The following LMBR1 variants were observed in gnomAD, a reference collection of about 807,000 sequenced individuals.
The protein encoded by LMBR1 is limb development membrane protein 1.
Under a neutral mutation model 73.9 loss-of-function variants are expected in LMBR1, and 52 were observed. The ratio of observed to expected loss-of-function variants is 0.70; its 90% CI spans 0.56 to 0.89. The LOEUF is 0.89. LMBR1 is among the 40% of genes least tolerant of loss of function. The probability of loss-of-function intolerance (pLI) is 0.00; values close to 1 mark genes in which losing one functional copy is unlikely to be tolerated. For synonymous variants in LMBR1, 215 were observed against 209.4 expected (o/e 1.03, Z -0.23); for missense variants, 539 against 579.8 (o/e 0.93, Z 0.72).
chr7:156,751,021 G>A (rs775689214), intron 9 of LMBR1, among the ~76,000 whole-genome samples: 3 of 152,064 alleles, frequency 2.0e-5, no homozygotes, highest in Non-Finnish European at 2.9e-5. Context: ...AAAGGGGAAC[G>A]ATCACCTGAG....
intron 15 of LMBR1, among the ~76,000 whole-genome samples, chr7:156,703,989 G>A (rs1810357552): frequency 2.0e-5 from 3 of 152,116 alleles, no homozygotes; most frequent in East Asian, 1.9e-4. Context: ...TAACACAAGG[G>A]CAAAGTGCTT....
At chr7:156,854,501 A>ATTCTT (rs1796678397) in intron 1 of LMBR1, among the ~76,000 whole-genome samples, 12 of 152,238 alleles carry the variant, frequency 7.9e-5, no homozygotes, top group Non-Finnish European at 1.5e-4. Context: ...AAACGTAAAC[A>ATTCTT]TTCTGAAATA....
chr7:156,684,664 GCA>G (rs1432232468), intron 16 of LMBR1, among the ~76,000 whole-genome samples: 1 of 152,164 alleles, frequency 6.6e-6, no homozygotes, highest in East Asian at 1.9e-4. Context: ...ATTTTAAAAT[GCA>G]CACACACAGG....
At chr7:156,756,242 C>T (rs1005142657) in intron 9 of LMBR1, 151 bp downstream of exon 9, 5 of 538,214 alleles carry the variant, frequency 9.3e-6, no homozygotes, top group Non-Finnish European at 1.6e-5. Flanking sequence ...ACCCTCTCTT[C>T]ACCAGGGAAG....
intron 15 of LMBR1, among the ~76,000 whole-genome samples, chr7:156,693,874 C>A (rs2131960973): frequency 6.6e-6 from 1 of 152,302 alleles, no homozygotes; most frequent in Admixed American, 6.5e-5. Flanking sequence ...CCAGTAAACA[C>A]AGATGCAAAA....
At chr7:156,886,254 C>G (rs1038844021) in intron 1 of LMBR1, among the ~76,000 whole-genome samples, 1 of 152,186 alleles carries the variant, frequency 6.6e-6, no homozygotes, top group South Asian at 2.1e-4. Context: ...AGCACAGAAA[C>G]AGACCTTCAA....
At chr7:156,848,654 G>A (rs1216848610) in intron 1 of LMBR1, among the ~76,000 whole-genome samples, 2 of 152,140 alleles carry the variant, frequency 1.3e-5, no homozygotes, top group African/African-American at 2.4e-5. Context: ...AATACTGGCT[G>A]GGCATGGTGA....
At chr7:156,847,224 C>A (rs1173432036) in intron 1 of LMBR1, among the ~76,000 whole-genome samples, 1 of 152,184 alleles carries the variant, frequency 6.6e-6, no homozygotes, top group Non-Finnish European at 1.5e-5. Context: ...AACAACTGGA[C>A]ATCCACATGC....
chr7:156,700,731 A>C (rs1016769740), intron 15 of LMBR1, among the ~76,000 whole-genome samples: 1 of 152,134 alleles, frequency 6.6e-6, no homozygotes, highest in African/African-American at 2.4e-5. Context: ...TGAGCCCTCC[A>C]AACTGTGCCA....
At chr7:156,766,613 G>C (rs1824129674) in intron 5 of LMBR1, among the ~76,000 whole-genome samples, 1 of 152,156 alleles carries the variant, frequency 6.6e-6, no homozygotes, top group African/African-American at 2.4e-5. Flanking sequence ...GGAAAAGAAA[G>C]AGGAGGGGCC....
intron 5 of LMBR1, chr7:156,779,805 T>G: frequency 1.9e-6 from 1 of 537,928 alleles, no homozygotes; most frequent in Non-Finnish European, 3.1e-6. Flanking sequence ...ACTTCTACAT[T>G]CACAGAACAT....
At chr7:156,714,432 G>A (rs555325514) in intron 15 of LMBR1, among the ~76,000 whole-genome samples, 1 of 152,340 alleles carries the variant, frequency 6.6e-6, no homozygotes, top group East Asian at 1.9e-4. Flanking sequence ...CAAAGGCATA[G>A]AAGGCATAGC....
chr7:156,833,318 C>G (rs1474509632), intron 3 of LMBR1, among the ~76,000 whole-genome samples: 1 of 152,170 alleles, frequency 6.6e-6, no homozygotes, highest in East Asian at 1.9e-4. Context: ...TACAGGACCT[C>G]CCTATCATAT....
intron 5 of LMBR1, among the ~76,000 whole-genome samples, chr7:156,775,450 C>T (rs189168640): frequency 2.0e-5 from 3 of 152,144 alleles, no homozygotes; most frequent in Non-Finnish European, 4.4e-5. Flanking sequence ...CATACATTGA[C>T]AAACTAAACA....
chr7:156,688,320 G>A, intron 15 of LMBR1, 129 bp from the exon 16 acceptor site: 1 of 608,746 alleles, frequency 1.6e-6, no homozygotes. Flanking sequence ...ATGCTCTAAT[G>A]AATAAATCCT....
chr7:156,690,345 A>C (rs1351110335), intron 15 of LMBR1, among the ~76,000 whole-genome samples: 1 of 152,230 alleles, frequency 6.6e-6, no homozygotes, highest in African/African-American at 2.4e-5. Flanking sequence ...GACTTACTTT[A>C]TGAATGCAAG....
chr7:156,779,327 A>G (rs1416638536), intron 5 of LMBR1, among the ~76,000 whole-genome samples: 2 of 152,212 alleles, frequency 1.3e-5, no homozygotes, highest in African/African-American at 2.4e-5. Flanking sequence ...AGCAGTCAGT[A>G]TATTAGAAAC....
At chr7:156,732,789 A>G (rs539825833) in intron 10 of LMBR1, among the ~76,000 whole-genome samples, 1 of 152,314 alleles carries the variant, frequency 6.6e-6, no homozygotes, top group African/African-American at 2.4e-5. Flanking sequence ...AAGATACAAT[A>G]ATATCAAACT....
Position 156,725,450 on chromosome 7 carries a change from G to T in LMBR1, c.1143C>A (p.Asp381Glu). 1 of 1,606,352 alleles carries T rather than the reference G, an allele frequency of 6.2e-7. No individual in the cohort carries two copies. Among genetic ancestry groups the T allele is most frequent in the Non-Finnish European group, 8.5e-7 (1 of 1,174,450 alleles). Residue 381 changes from aspartate (D) to glutamate (E), a missense_variant, in exon 14 of 17, where the codon GAC becomes GAA. Physicochemically the swap from Asp to Glu is conservative, Grantham distance 45. Around this residue, in one of 3 missense-constraint regions of LMBR1, gnomAD observed 454 missense variants for 473.4 expected, o/e 0.96. Coordinates refer to ENST00000353442, the MANE Select transcript of LMBR1 (RefSeq NM_022458.4). ...TCTACCTTACCTTTGTCATAGTTGT[G>T]TCATCTTTCTTGGGAGTAAAGTTTC... ...FFGNFTPKKD[D>E]TTMTKIIGNC...
Sources: allele counts gnomAD v4.1 joint callset (sites outside exome capture counted in the v4.1 genomes callset), GRCh38; gene constraint gnomAD v4.1.1; regional missense constraint gnomAD v4.1.1; transcripts MANE v1.5; gene names NCBI Gene and HGNC (gene_info 2026-07-23, HGNC 2026-07-21).